Variants in GPC6 observed in about 807,000 individuals in gnomAD.
GPC6 encodes the protein glypican-6.
A neutral mutation model predicts 55.2 loss-of-function variants in GPC6; 14 were observed. The ratio of observed to expected loss-of-function variants is 0.25; its 90% CI spans 0.17 to 0.40. The LOEUF (loss-of-function observed/expected upper bound fraction) is 0.40. Ranked by LOEUF, GPC6 falls within the 10% of genes least tolerant of loss-of-function variation. The pLI is 1.00. For synonymous variants in GPC6, 278 were observed against 259.6 expected (o/e 1.07, Z -0.68); for missense variants, 641 against 708.5 (o/e 0.90, Z 1.08).
At chr13:93,311,620 G>T (rs1252412604) in intron 1 of GPC6, among the ~76,000 whole-genome samples, 1 of 152,080 alleles carries the variant, frequency 6.6e-6, no homozygotes, top group Non-Finnish European at 1.5e-5. Flanking sequence ...TTAAATTTGG[G>T]ATTAATTTTG....
At chr13:94,310,524 C>G (rs900609270) in intron 6 of GPC6, among the ~76,000 whole-genome samples, 1 of 152,004 alleles carries the variant, frequency 6.6e-6, no homozygotes, top group African/African-American at 2.4e-5. Flanking sequence ...ATTTGTTTTC[C>G]TCTTGCTTCC....
chr13:93,819,714 C>G (rs1306855339), intron 2 of GPC6, among the ~76,000 whole-genome samples: 1 of 152,160 alleles, frequency 6.6e-6, no homozygotes, highest in East Asian at 1.9e-4. Flanking sequence ...CAGTTGTTTG[C>G]TTTTAGCAGC....
intron 3 of GPC6, among the ~76,000 whole-genome samples, chr13:94,004,260 T>A (rs1241854269): frequency 6.6e-6 from 1 of 152,088 alleles, no homozygotes; most frequent in Non-Finnish European, 1.5e-5. Context: ...TGTTTGCACA[T>A]TTTTCTTTTA....
At chr13:94,402,938 A>G in intron 8 of GPC6, 77 bp from the exon 9 acceptor site, 1 of 1,034,398 alleles carries the variant, frequency 9.7e-7, no homozygotes. Context: ...ATTACAATTC[A>G]AGATGAGATT....
chr13:93,303,570 T>A (rs541963285), intron 1 of GPC6, among the ~76,000 whole-genome samples: 1 of 151,706 alleles, frequency 6.6e-6, no homozygotes, highest in South Asian at 2.1e-4. Context: ...TGAAGAAGAG[T>A]GTGGGTCAAG....
At position 94,182,476 on chromosome 13, in the gene GPC6, C is replaced by T. The variant is rs1889031750; in HGVS notation, c.878-103873C>T. On this transcript the variant is annotated intron_variant, in intron 4 of 8. Coordinates refer to ENST00000377047, the MANE Select transcript of GPC6 (RefSeq NM_005708.5). The stretch of plus-strand genomic sequence containing the variant: ...TCTGTAAGGAGAACACTTTATGTTT[C>T]TGTTTTAAAACTGTAGATAATTGCA... 3.3e-5 allele frequency among the ~76,000 whole-genome samples: 5 copies of T among 152,234 alleles called. No individual in the cohort carries two copies. In the South Asian group the frequency reaches 1.0e-3, roughly 32 times the overall value.
intron 4 of GPC6, among the ~76,000 whole-genome samples, chr13:94,043,812 A>G (rs970258997): frequency 1.3e-5 from 2 of 150,876 alleles, no homozygotes; most frequent in African/African-American, 4.9e-5. Context: ...ATTTCTGTAG[A>G]GTTTATTTTG....
intron 4 of GPC6, among the ~76,000 whole-genome samples, chr13:94,214,287 G>A (rs1022718156): frequency 1.9e-4 from 29 of 152,152 alleles, no homozygotes; most frequent in Admixed American, 3.9e-4. Context: ...AGGGATGTTC[G>A]TTCTTTTGTG....
intron 4 of GPC6, among the ~76,000 whole-genome samples, chr13:94,219,938 T>G (rs968535796): frequency 6.6e-6 from 1 of 152,170 alleles, no homozygotes; most frequent in African/African-American, 2.4e-5. Context: ...GGAGGATTCA[T>G]TGGTTTCAGG....
At chr13:93,371,379 G>C (rs992282231) in intron 1 of GPC6, among the ~76,000 whole-genome samples, 5 of 152,092 alleles carry the variant, frequency 3.3e-5, no homozygotes, top group African/African-American at 1.2e-4. Context: ...ATGCAATAAT[G>C]AGAGATAATA....
intron 2 of GPC6, among the ~76,000 whole-genome samples, chr13:93,710,035 C>T (rs1186739443): frequency 6.6e-6 from 1 of 151,696 alleles, no homozygotes; most frequent in Non-Finnish European, 1.5e-5. Flanking sequence ...TGTAAATTAC[C>T]ATTGGAATGA....
chr13:93,817,866 A>G lies in GPC6; in HGVS notation c.320-12288A>G, dbSNP rs558964293. Among the ~76,000 whole-genome samples the G allele has an allele frequency of 4.3e-3, 404 of 93,920 alleles. 1 individual carries two copies. Among genetic ancestry groups the G allele is most frequent in the South Asian group, 0.017 (55 of 3,182 alleles). 61.6% of individuals were successfully genotyped at this position (93,920 alleles called of 152,430 possible). A position where few individuals can be genotyped will look rare whatever the true frequency, so the allele number is the denominator to read the frequency against. On this transcript the variant is annotated intron_variant, in intron 2 of 8. Coordinates refer to ENST00000377047, the MANE Select transcript of GPC6 (RefSeq NM_005708.5). ...GAGTGAGACCCTGTTTCAAAAAATA[A>G]TGTATAGATAGATAGATAGATAGAT...
intron 1 of GPC6, among the ~76,000 whole-genome samples, chr13:93,286,923 A>T (rs1412488084): frequency 6.6e-6 from 1 of 152,202 alleles, no homozygotes; most frequent in Non-Finnish European, 1.5e-5. Context: ...GAGTTCCCAC[A>T]TGACACCACA....
At chr13:93,676,138 T>TACACACACACAC (rs1881608787) in intron 2 of GPC6, among the ~76,000 whole-genome samples, 2 of 7,912 alleles carry the variant, frequency 2.5e-4, no homozygotes, top group Non-Finnish European at 1.8e-3. Context: ...TATATATATA[T>TACACACACACAC]ATATATATAT....
chr13:94,337,595 GCAC>G (rs34389916), intron 6 of GPC6, among the ~76,000 whole-genome samples: 36,936 of 151,712 alleles, frequency 0.24, 4,877 homozygotes, highest in Middle Eastern at 0.39. Context: ...TTACAGGTGT[GCAC>G]CACCACATCT....
intron 2 of GPC6, among the ~76,000 whole-genome samples, chr13:93,643,873 A>C (rs960418747): frequency 3.9e-5 from 6 of 152,078 alleles, no homozygotes; most frequent in African/African-American, 1.4e-4. Context: ...TTCACCCTAA[A>C]GCCATGATGC....
intron 3 of GPC6, among the ~76,000 whole-genome samples, chr13:93,865,424 G>T (rs1314838832): frequency 6.6e-6 from 1 of 151,730 alleles, no homozygotes; most frequent in East Asian, 2.0e-4. Context: ...AAAGGATTCT[G>T]CGGATTATGA....
In GPC6 at chr13:93,728,680, C is replaced by A. The variant is rs751596529; in HGVS notation, c.320-101474C>A. On this transcript the variant is annotated intron_variant, in intron 2 of 8. Coordinates refer to ENST00000377047, the MANE Select transcript of GPC6 (RefSeq NM_005708.5). ...CTCCTGGGTTGAAGTCATTCTCCAG[C>A]CTCAGCCTCCCAAGTAGCTGGGACT... Among the ~76,000 whole-genome samples the A allele has an allele frequency of 4.6e-5, 7 of 152,056 alleles. No individual in the cohort carries two copies. The South Asian group carries it at 1.5e-3, about 32-fold the overall frequency.
intron 7 of GPC6, among the ~76,000 whole-genome samples, chr13:94,392,288 T>C (rs1182373342): frequency 1.3e-5 from 2 of 151,894 alleles, no homozygotes; most frequent in African/African-American, 2.4e-5. Context: ...TGAATCCAAG[T>C]AGCAGCTGTA....
Sources: allele counts gnomAD v4.1 joint callset (sites outside exome capture counted in the v4.1 genomes callset), GRCh38; gene constraint gnomAD v4.1.1; transcripts MANE v1.5; gene names NCBI Gene and HGNC (gene_info 2026-07-23, HGNC 2026-07-21).